The following MBOAT7 variants were observed in gnomAD, a reference collection of about 807,000 sequenced individuals.
MBOAT7 encodes the protein membrane-bound acylglycerophosphatidylinositol O-acyltransferase MBOAT7.
In MBOAT7, 40 loss-of-function variants were observed where a neutral mutation model predicts 47.4. The ratio of observed to expected loss-of-function variants is 0.84; its 90% CI spans 0.66 to 1.10. The LOEUF (loss-of-function observed/expected upper bound fraction) is 1.10. Ranked by LOEUF, MBOAT7 falls within the 50% of genes least tolerant of loss-of-function variation. The pLI is 0.00. For synonymous variants in MBOAT7, 361 were observed against 292.0 expected, an observed-to-expected ratio of 1.24 and a Z score of -2.41; for missense variants, 680 against 655.6, an observed-to-expected ratio of 1.04 and a Z score of -0.41.
intron 7 of MBOAT7, among the ~76,000 whole-genome samples, chr19:54,174,975 GT>G (rs34483717): frequency 0.3 from 37,821 of 127,398 alleles, 3,604 homozygotes; most frequent in African/African-American, 0.33. Flanking sequence ...CAGCCCAGTG[GT>G]TTTTTTTTTT....
At chr19:54,175,650 A>C (rs2076085859) in intron 7 of MBOAT7, among the ~76,000 whole-genome samples, 2 of 151,982 alleles carry the variant, frequency 1.3e-5, no homozygotes, top group Non-Finnish European at 2.9e-5. Context: ...CTTGGATTCA[A>C]GCGATTCTTA....
chr19:54,183,473 G>A, intron 5 of MBOAT7, 48 bp downstream of exon 5: 2 of 1,584,744 alleles, frequency 1.3e-6, no homozygotes, highest in East Asian at 2.4e-5. Flanking sequence ...AGGGCGGAAG[G>A]GGACACAGGA....
intron 7 of MBOAT7, 131 bp downstream of exon 7, chr19:54,178,634 A>G: frequency 7.6e-6 from 11 of 1,446,992 alleles, no homozygotes; most frequent in Non-Finnish European, 1.0e-5. Context: ...GGGCAAAACC[A>G]GGCTAAACAA....
intron 7 of MBOAT7, among the ~76,000 whole-genome samples, chr19:54,175,676 A>G (rs1168535903): frequency 1.3e-5 from 2 of 152,180 alleles, no homozygotes; most frequent in East Asian, 1.9e-4. Flanking sequence ...CAGCCTCCCA[A>G]GTAGCTGGGA....
intron 7 of MBOAT7, among the ~76,000 whole-genome samples, chr19:54,175,022 C>T (rs1003540985): frequency 2.8e-5 from 4 of 144,314 alleles, no homozygotes; most frequent in South Asian, 4.6e-4. Flanking sequence ...GTCGCCCAGG[C>T]TAGAGTGCAG....
chr19:54,181,190 C>T, intron 5 of MBOAT7, 57 bp from the exon 6 acceptor site: 5 of 1,441,756 alleles, frequency 3.5e-6, no homozygotes, highest in Non-Finnish European at 4.5e-6. Flanking sequence ...GAGCTCAAGT[C>T]TGCAGGAGGA....
rs562820980 is a variant in MBOAT7 at position 54,173,895 on chromosome 19, C to G, written c.*149G>C. The G allele has an allele frequency of 1.9e-5, 18 of 970,240 alleles. No homozygotes were observed. In the African/African-American group the frequency reaches 2.9e-4, roughly 15 times the overall value. The allele number at this position is 970,240 out of a possible 1,614,324, so 60.1% of individuals were successfully genotyped here. A position where few individuals can be genotyped will look rare whatever the true frequency, so the allele number is the denominator to read the frequency against. On this transcript the variant is annotated 3_prime_UTR_variant, in exon 8 of 8. Coordinates refer to ENST00000245615, the MANE Select transcript of MBOAT7 (RefSeq NM_024298.5). Reference sequence around the variant, plus strand: ...GAGGGCAGGGAGGACACCCCCGGGTCTGCTTCAGTTGCAGGCAGGGTATTT... The same window carrying G: ...GAGGGCAGGGAGGACACCCCCGGGTGTGCTTCAGTTGCAGGCAGGGTATTT...
rs965943667 is a variant in MBOAT7, at chr19:54,188,194, TCCTCCCTCC to T, written c.206+14_206+22del. The stretch of plus-strand genomic sequence containing the variant: ...TTCCCCCTCTCCCCTCCTCTCCCTC[TCCTCCCTCC>T]ACCAAATTCTCACCAGGGCTGGGCC... On this transcript the variant is annotated intron_variant, in intron 3 of 7. Transcript: ENST00000245615. The T allele has an allele frequency of 1.3e-6, 2 of 1,581,666 alleles. No homozygotes were observed. Among genetic ancestry groups the T allele is most frequent in the African/African-American group, 2.7e-5 (2 of 73,594 alleles).
chr19:54,174,499 G>A, intron 7 of MBOAT7, 68 bp from the exon 8 acceptor site: 1 of 1,433,862 alleles, frequency 7.0e-7, no homozygotes, highest in Non-Finnish European at 9.2e-7. Context: ...CCCAGATCCA[G>A]GAGTCCAGGA....
At chr19:54,175,976 G>C (rs1369706401) in intron 7 of MBOAT7, among the ~76,000 whole-genome samples, 1 of 152,114 alleles carries the variant, frequency 6.6e-6, no homozygotes, top group East Asian at 1.9e-4. Flanking sequence ...ACCCGCCGTG[G>C]CCTACCAAAG....
intron 7 of MBOAT7, among the ~76,000 whole-genome samples, chr19:54,175,038 C>G (rs553375517): frequency 7.4e-5 from 11 of 148,682 alleles, no homozygotes; most frequent in Admixed American, 2.7e-4. Context: ...TGCAGTGGCG[C>G]GATCTTGGCT....
intron 4 of MBOAT7, among the ~76,000 whole-genome samples, chr19:54,186,197 T>G (rs1181388959): frequency 6.6e-6 from 1 of 151,906 alleles, no homozygotes; most frequent in Non-Finnish European, 1.5e-5. Context: ...GTATTTTTAG[T>G]AGAGACAGGG....
intron 1 of MBOAT7, among the ~76,000 whole-genome samples, chr19:54,188,767 G>A (rs1278428554): frequency 6.6e-6 from 1 of 151,996 alleles, no homozygotes; most frequent in Non-Finnish European, 1.5e-5. Context: ...GGAGAACCCA[G>A]GAAAGTGTGG....
At chr19:54,178,594 A>C (rs753538555) in intron 7 of MBOAT7, 171 bp downstream of exon 7, 156 of 1,429,856 alleles carry the variant, frequency 1.1e-4, no homozygotes, top group Non-Finnish European at 1.3e-4. Flanking sequence ...ACGATTTTAC[A>C]CCGGCATGCT....
rs779043518 is a variant in MBOAT7, at chr19:54,183,664, C to A, written c.350G>T (p.Ser117Ile). Residue 117 changes from serine (S) to isoleucine (I), a missense_variant, in exon 5 of 8, where the codon AGT becomes ATT. Transcript: ENST00000245615. The part of the protein sequence containing the change: ...LLTLKLVSLA[S>I]EVQDLHLAQR... ...GGCCAGATGCAGGTCCTGGACTTCA[C>A]TGGCCAGGCTCACCAGCTGGGCAGA... is the stretch of plus-strand genomic sequence containing the variant. The A allele has an allele frequency of 1.9e-6, 3 of 1,575,154 alleles. No individual in the cohort carries two copies. Among genetic ancestry groups the A allele is most frequent in the East Asian group, 2.4e-5 (1 of 42,390 alleles).
At chr19:54,187,970 G>T (rs1437874861) in intron 3 of MBOAT7, among the ~76,000 whole-genome samples, 3 of 149,910 alleles carry the variant, frequency 2.0e-5, no homozygotes, top group South Asian at 4.2e-4. Flanking sequence ...AGCCAAGATC[G>T]TGCCACTGAA....
intron 6 of MBOAT7, chr19:54,179,187 T>C (rs981948448): frequency 1.7e-6 from 1 of 575,086 alleles, no homozygotes. Context: ...TGGTACCTAA[T>C]GGGGCCCGCC....
intron 1 of MBOAT7, among the ~76,000 whole-genome samples, chr19:54,188,736 G>A (rs969133927): frequency 1.3e-5 from 2 of 151,862 alleles, no homozygotes; most frequent in Non-Finnish European, 2.9e-5. Flanking sequence ...GAGCGCACAG[G>A]CCTCCAGCTC....
At chr19:54,178,108 C>T (rs1319154626) in intron 7 of MBOAT7, among the ~76,000 whole-genome samples, 1 of 151,158 alleles carries the variant, frequency 6.6e-6, no homozygotes, top group Non-Finnish European at 1.5e-5. Context: ...GACAGCATGT[C>T]ACCATGTTGG....
Sources: gnomAD v4.1 joint callset for allele counts (sites outside exome capture counted in the v4.1 genomes callset) on GRCh38, gnomAD v4.1.1 for gene constraint, MANE v1.5 for transcripts, NCBI Gene and HGNC (gene_info 2026-07-23, HGNC 2026-07-21) for gene names.